The following SLC38A6 variants were observed in gnomAD, a reference collection of about 807,000 sequenced individuals.
SLC38A6 encodes solute carrier family 38 member 6, also known as N system amino acid transporter NAT-1.
A neutral mutation model predicts 65.0 loss-of-function variants in SLC38A6; 73 were observed. The observed-to-expected ratio is 1.12, with a 90% CI of 0.93 to 1.37. The LOEUF is 1.37. Ranked by LOEUF, SLC38A6 falls within the 40% of genes most tolerant of loss-of-function variation. The pLI is 0.00. For synonymous variants in SLC38A6, 183 were observed against 178.8 expected, an observed-to-expected ratio of 1.02 and a Z score of -0.19; for missense variants, 561 against 531.1, an observed-to-expected ratio of 1.06 and a Z score of -0.55.
Position 61,003,327 on chromosome 14 carries a change from A to G in SLC38A6, c.311-12577A>G, listed in dbSNP as rs147761992. ...ATATGGGCATTTAAATATTTTAAAT[A>G]TAGTTTTAAATGGCTACATATTATT... On this transcript the variant is annotated intron_variant, in intron 3 of 15. Coordinates refer to ENST00000267488, the MANE Select transcript of SLC38A6 (RefSeq NM_153811.3). Among the ~76,000 whole-genome samples the G allele has an allele frequency of 6.7e-3, 1,017 of 152,238 alleles. 8 individuals are homozygous for G. The highest frequency in any genetic ancestry group is 0.017 in the Middle Eastern group (5 of 292).
downstream of SLC38A6, among the ~76,000 whole-genome samples, chr14:61,055,012 C>A (rs1033876744): frequency 2.9e-5 from 4 of 138,342 alleles, no homozygotes; most frequent in Admixed American, 2.2e-4. Flanking sequence ...ATGGATGCCT[C>A]TTATTATTTT....
At chr14:61,043,692 C>A (rs2041952120) in intron 10 of SLC38A6, among the ~76,000 whole-genome samples, 189 bp downstream of exon 10, 1 of 139,744 alleles carries the variant, frequency 7.2e-6, no homozygotes, top group Non-Finnish European at 1.5e-5. Flanking sequence ...GAAACAGCCA[C>A]CTTTTTTTTT....
chr14:61,068,426 C>T (rs767867137), intron 15 of SLC38A6, among the ~76,000 whole-genome samples: 6 of 152,154 alleles, frequency 3.9e-5, no homozygotes, highest in Non-Finnish European at 7.4e-5. Context: ...TCAATTTTGT[C>T]TGTACCTACT....
intron 3 of SLC38A6, among the ~76,000 whole-genome samples, chr14:61,014,221 G>C (rs553677061): frequency 6.6e-6 from 1 of 152,262 alleles, no homozygotes; most frequent in African/African-American, 2.4e-5. Context: ...TCGTGCCGTG[G>C]TTTTCAGCTC....
At position 61,005,762 on chromosome 14, in the gene SLC38A6, G is replaced by GTAATTTATAGAT. The variant is rs538560151; in HGVS notation, c.311-10140_311-10129dup. 1.8e-3 allele frequency among the ~76,000 whole-genome samples: 276 copies of GTAATTTATAGAT among 152,280 alleles called. 1 individual carries two copies. Among genetic ancestry groups the GTAATTTATAGAT allele is most frequent in the African/African-American group, 6.3e-3 (261 of 41,562 alleles). ...CATGAAAATCGCCATACTGCCCAAG[G>GTAATTTATAGAT]TAATTTATAGATTCAATGCCATCCC... is the stretch of plus-strand genomic sequence containing the variant. On this transcript the variant is annotated intron_variant, in intron 3 of 15. Coordinates refer to ENST00000267488, the MANE Select transcript of SLC38A6 (RefSeq NM_153811.3).
At chr14:61,047,099 T>A (rs562232501) in intron 12 of SLC38A6, among the ~76,000 whole-genome samples, 147 of 152,270 alleles carry the variant, frequency 9.7e-4, no homozygotes, top group African/African-American at 3.3e-3. Flanking sequence ...ATATTTCTTT[T>A]ATTAAAATTG....
chr14:61,009,312 A>G (rs183679137), intron 3 of SLC38A6, among the ~76,000 whole-genome samples: 111 of 152,304 alleles, frequency 7.3e-4, no homozygotes, highest in Non-Finnish European at 1.3e-3. Flanking sequence ...AGTGACCAAA[A>G]TTACATCAAT....
intron 3 of SLC38A6, among the ~76,000 whole-genome samples, chr14:61,003,246 T>A (rs766157360): frequency 2.4e-4 from 36 of 152,234 alleles, no homozygotes; most frequent in Non-Finnish European, 1.5e-4. Context: ...AGAAAAAAGT[T>A]TGTGACCATT....
chr14:61,005,668 T>C (rs184488743), intron 3 of SLC38A6, among the ~76,000 whole-genome samples: 135 of 152,106 alleles, frequency 8.9e-4, no homozygotes, highest in African/African-American at 3.0e-3. Context: ...AACCACTGCT[T>C]AATGAAATAA....
At chr14:61,042,059 G>C (rs898220272) in intron 8 of SLC38A6, among the ~76,000 whole-genome samples, 2 of 151,816 alleles carry the variant, frequency 1.3e-5, no homozygotes, top group African/African-American at 2.4e-5. Context: ...TAAGTTGACC[G>C]TTTCATTTTA....
intron 3 of SLC38A6, among the ~76,000 whole-genome samples, chr14:61,012,330 A>G (rs1313517925): frequency 1.3e-5 from 2 of 152,178 alleles, no homozygotes; most frequent in African/African-American, 4.8e-5. Context: ...TGTTCAAAAA[A>G]GCAGCTTCTG....
chr14:60,991,857 C>T (rs140911879), intron 3 of SLC38A6, among the ~76,000 whole-genome samples: 60 of 152,330 alleles, frequency 3.9e-4, no homozygotes, highest in African/African-American at 1.4e-3. Flanking sequence ...GGAGTGCAGA[C>T]ATCGCATCCG....
At chr14:61,070,290 C>T (rs2043187796) in intron 15 of SLC38A6, among the ~76,000 whole-genome samples, 1 of 152,184 alleles carries the variant, frequency 6.6e-6, no homozygotes, top group South Asian at 2.1e-4. Flanking sequence ...CATCTTGTAC[C>T]AAGGAATCAT....
intron 5 of SLC38A6, among the ~76,000 whole-genome samples, chr14:61,022,420 A>G (rs992534511): frequency 1.3e-5 from 2 of 151,304 alleles, no homozygotes. Context: ...CAAACAACAT[A>G]CTTATTTGGG....
At chr14:60,986,868 G>A (rs528483534) in intron 3 of SLC38A6, among the ~76,000 whole-genome samples, 3 of 152,042 alleles carry the variant, frequency 2.0e-5, no homozygotes, top group East Asian at 1.9e-4. Flanking sequence ...GTTTTATTTC[G>A]GTTATGTGGG....
chr14:61,009,670 T>C (rs2039409906), intron 3 of SLC38A6, among the ~76,000 whole-genome samples: 2 of 152,172 alleles, frequency 1.3e-5, no homozygotes, highest in African/African-American at 4.8e-5. Context: ...CTGAGAATGA[T>C]GGTTTCCAAT....
intron 15 of SLC38A6, among the ~76,000 whole-genome samples, chr14:61,078,595 T>C (rs914188838): frequency 2.0e-5 from 3 of 152,130 alleles, no homozygotes; most frequent in African/African-American, 7.2e-5. Context: ...AGAAGCACTT[T>C]AGGCCTTCAA....
rs748018592 is a variant in SLC38A6 at position 61,030,472 on chromosome 14, A to G, written c.431A>G (p.Lys144Arg). 2 of 1,610,946 alleles carry G rather than the reference A, an allele frequency of 1.2e-6. No homozygotes were observed. Among genetic ancestry groups the G allele is most frequent in the Admixed American group, 3.4e-5 (2 of 59,616 alleles). Residue 144 changes from lysine to arginine, a missense_variant, in exon 6 of 16, where the codon AAA becomes AGA. Lys to Arg is a conservative substitution (Grantham distance 26, BLOSUM62 2). Transcript: ENST00000267488. ...GAMSSYLLII[K>R]TELPAAIAEF... ...ATGTCATCTTATCTTTTAATTATTA[A>G]AACAGAGCTTCCTGCTGCTATTGCA...
chr14:60,989,511 G>C (rs1453627643), intron 3 of SLC38A6, among the ~76,000 whole-genome samples: 1 of 152,092 alleles, frequency 6.6e-6, no homozygotes, highest in Non-Finnish European at 1.5e-5. Flanking sequence ...ATCACTTGAA[G>C]TCAGGAGTTT....
Sources: allele counts gnomAD v4.1 joint callset (sites outside exome capture counted in the v4.1 genomes callset), GRCh38; gene constraint gnomAD v4.1.1; transcripts MANE v1.5; gene names NCBI Gene and HGNC (gene_info 2026-07-23, HGNC 2026-07-21).